SYNC: variants seen among roughly 807,000 people sequenced by gnomAD.
SYNC encodes syncoilin.
A neutral mutation model predicts 49.5 loss-of-function variants in SYNC; 38 were observed. The observed-to-expected ratio is 0.77, with a 90% CI of 0.59 to 1.01. The LOEUF is 1.01. SYNC is among the 50% of genes least tolerant of loss of function. The pLI, the probability that SYNC is intolerant of heterozygous loss-of-function variation, is 0.00. For synonymous variants in SYNC, 201 were observed against 230.8 expected (o/e 0.87, Z 1.17); for missense variants, 579 against 580.6 (o/e 1.00, Z 0.03).
chr1:32,696,880 T>C (rs1429752162), intron 1 of SYNC, among the ~76,000 whole-genome samples: 3 of 151,612 alleles, frequency 2.0e-5, no homozygotes, highest in Non-Finnish European at 4.4e-5. Flanking sequence ...CCCAGGTAGG[T>C]GGGACTACAG....
intron 2 of SYNC, among the ~76,000 whole-genome samples, chr1:32,690,143 C>G (rs927876598): frequency 1.3e-5 from 2 of 152,132 alleles, no homozygotes; most frequent in Admixed American, 1.3e-4. Context: ...ACTCGGGAGG[C>G]TGAGGCAGGA....
intron 1 of SYNC, among the ~76,000 whole-genome samples, chr1:32,699,974 C>T (rs1168356877): frequency 1.3e-5 from 2 of 152,014 alleles, no homozygotes; most frequent in African/African-American, 2.4e-5. Context: ...CCTCATGATC[C>T]GCCTGCCTCG....
At chr1:32,698,374 C>T (rs985835229) in intron 1 of SYNC, among the ~76,000 whole-genome samples, 1 of 151,986 alleles carries the variant, frequency 6.6e-6, no homozygotes, top group Non-Finnish European at 1.5e-5. Flanking sequence ...AAAAAATTAG[C>T]CAGGCGTGGT....
intron 1 of SYNC, among the ~76,000 whole-genome samples, chr1:32,697,031 G>A (rs1344888045): frequency 2.6e-5 from 4 of 151,958 alleles, no homozygotes; most frequent in Non-Finnish European, 4.4e-5. Context: ...TACAGGCATT[G>A]AGCCACCATG....
chr1:32,683,989 T>C (rs760024339), intron 4 of SYNC, 21 bp downstream of exon 4: 1 of 1,595,968 alleles, frequency 6.3e-7, no homozygotes, highest in Admixed American at 1.7e-5. Context: ...CAAACACCAC[T>C]CTTCTCTTCA....
intron 2 of SYNC, chr1:32,686,285 G>A (rs936365915): frequency 6.6e-6 from 1 of 152,102 alleles, no homozygotes; most frequent in Non-Finnish European, 1.5e-5. Context: ...TGCAGTGATA[G>A]ACAGCACTAC....
rs1032268586 is a variant in SYNC, at chr1:32,680,841, A to G, written c.*1009T>C. On this transcript the variant is annotated 3_prime_UTR_variant, in exon 5 of 5. Coordinates refer to ENST00000409190, the MANE Select transcript of SYNC (RefSeq NM_030786.3). Reference sequence around the variant, plus strand: ...TCCCAGGGAAAGTGAAAGACATAAAACACTGAATCAGAGGTGGCACAGATT... The same window carrying G: ...TCCCAGGGAAAGTGAAAGACATAAAGCACTGAATCAGAGGTGGCACAGATT... 17 of 353,030 alleles carry G rather than the reference A, an allele frequency of 4.8e-5. No homozygotes were observed. Among genetic ancestry groups the G allele is most frequent in the Non-Finnish European group, 8.7e-5 (17 of 195,480 alleles). The allele number at this position is 353,030 out of a possible 1,614,324, so 21.9% of individuals were successfully genotyped here.
rs571294185 is a variant in SYNC, at chr1:32,698,670, C to A, written c.54-2626G>T. Among the ~76,000 whole-genome samples, 6 of 152,320 alleles carry A rather than the reference C, an allele frequency of 3.9e-5. No homozygotes were observed. The South Asian group carries it at 1.2e-3, about 32-fold the overall frequency. ...CTGACATCTGAGCTCTTTGACCCAG[C>A]TGCCTATTGCCTGCCAGCTCAGTCA... is the stretch of plus-strand genomic sequence containing the variant. On this transcript the variant is annotated intron_variant, in intron 1 of 4. Coordinates refer to ENST00000409190, the MANE Select transcript of SYNC (RefSeq NM_030786.3).
chr1:32,689,558 G>A (rs1389032534), intron 2 of SYNC, among the ~76,000 whole-genome samples: 2 of 151,910 alleles, frequency 1.3e-5, no homozygotes, highest in Non-Finnish European at 2.9e-5. Flanking sequence ...CAGTAATTAG[G>A]CACTTAGAAA....
chr1:32,684,336 C>A lies in SYNC; in HGVS notation c.1280G>T (p.Gly427Val), dbSNP rs1339649877. The change falls in exon 3 of 5, where the codon GGG (glycine) becomes GTG (valine). Residue 427 changes from glycine (G) to valine (V), a missense_variant. By Grantham distance (109) the Gly-to-Val change is moderately radical. Coordinates refer to ENST00000409190, the MANE Select transcript of SYNC (RefSeq NM_030786.3). Reference sequence around the variant, plus strand: ...GTTCTTCTGTTGCTGGAGTTGCACCCCATTTCTTAACTGCCTCTGGCGTTC... The same window carrying A: ...GTTCTTCTGTTGCTGGAGTTGCACCACATTTCTTAACTGCCTCTGGCGTTC... ...MEERQRQLRNGVQLQQQKNKE... is the reference protein window; with the variant it reads ...MEERQRQLRNVVQLQQQKNKE... 1 of 1,614,188 alleles carries A rather than the reference C, an allele frequency of 6.2e-7. No homozygotes were observed. Among genetic ancestry groups the A allele is most frequent in the Non-Finnish European group, 8.5e-7 (1 of 1,180,032 alleles).
Position 32,695,765 on chromosome 1 carries a change from T to C in SYNC, c.333A>G (p.Glu111=), listed in dbSNP as rs774821319. The change falls in exon 2 of 5, where the codon GAA becomes GAG. Residue 111 remains glutamate (E), a synonymous_variant. Coordinates refer to ENST00000409190, the MANE Select transcript of SYNC (RefSeq NM_030786.3). ...ACTGTATCCGATCTGGCTCCGTGGT[T>C]TCCTCCACACACACTGTCTCCTCTG... is the stretch of plus-strand genomic sequence containing the variant. ...GNPEETVCVE[E]TTEPDRIQFV... 75 of 1,551,554 alleles carry C rather than the reference T, an allele frequency of 4.8e-5. No individual in the cohort carries two copies. The highest frequency in any genetic ancestry group is 1.7e-6 in the Non-Finnish European group (2 of 1,147,002).
chr1:32,687,863 T>TATTATTATTATTA (rs1557871715), intron 2 of SYNC, among the ~76,000 whole-genome samples: 4 of 148,136 alleles, frequency 2.7e-5, no homozygotes, highest in Admixed American at 6.8e-5. Flanking sequence ...TTATTATTAT[T>TATTATTATTATTA]TTTTGAGATG....
At chr1:32,696,994 C>T (rs1431696649) in intron 1 of SYNC, among the ~76,000 whole-genome samples, 1 of 151,886 alleles carries the variant, frequency 6.6e-6, no homozygotes, top group Non-Finnish European at 1.5e-5. Flanking sequence ...GTGATCCGCC[C>T]TCTTCAGCCT....
At position 32,680,022 on chromosome 1, in the gene SYNC, A is replaced by T. The variant is rs1277907184; in HGVS notation, c.*1828T>A. ...CTATATCCCCAAGTTTTTCAGACTC[A>T]TTTAAGTAAAGGCTAGAGTGAGTAA... On this transcript the variant is annotated 3_prime_UTR_variant, in exon 5 of 5. Coordinates refer to ENST00000409190, the MANE Select transcript of SYNC (RefSeq NM_030786.3). The T allele has an allele frequency of 1.9e-5, 21 of 1,127,124 alleles. No individual in the cohort carries two copies. Among genetic ancestry groups the T allele is most frequent in the Non-Finnish European group, 2.2e-5 (20 of 921,092 alleles). The allele number at this position is 1,127,124 out of a possible 1,614,324, so 69.8% of individuals were successfully genotyped here. A position where few individuals can be genotyped will look rare whatever the true frequency, so the allele number is the denominator to read the frequency against.
At chr1:32,685,819 A>G (rs1029387169) in intron 2 of SYNC, 1 of 152,236 alleles carries the variant, frequency 6.6e-6, no homozygotes, top group African/African-American at 2.4e-5. Context: ...AATGAAATGA[A>G]GGAAGGATTG....
chr1:32,701,334 A>G (rs991412924), intron 1 of SYNC, among the ~76,000 whole-genome samples: 6 of 152,194 alleles, frequency 3.9e-5, no homozygotes, highest in African/African-American at 1.4e-4. Context: ...GGCACTCTGT[A>G]TGCAGCACAT....
chr1:32,691,812 T>A (rs756657935), intron 2 of SYNC, among the ~76,000 whole-genome samples: 7 of 152,186 alleles, frequency 4.6e-5, no homozygotes, highest in Non-Finnish European at 7.3e-5. Flanking sequence ...AATTTGTAAT[T>A]ATTTATGTGA....
intron 2 of SYNC, among the ~76,000 whole-genome samples, chr1:32,687,833 A>AATAATTATTATTATT (rs1553199360): frequency 2.1e-4 from 8 of 38,214 alleles, no homozygotes; most frequent in African/African-American, 3.7e-4. Context: ...CTGCCCAGTG[A>AATAATTATTATTATT]ATTATTATTA....
Position 32,686,627 on chromosome 1 carries a change from G to A in SYNC, c.1234-2245C>T, listed in dbSNP as rs536462684. On this transcript the variant is annotated intron_variant, in intron 2 of 4. Coordinates refer to ENST00000409190, the MANE Select transcript of SYNC (RefSeq NM_030786.3). ...GGGAAACTTCAGGAAGAAGGGAAAT[G>A]GGTTTAAAGGATGAGTAAAGAGTTA... 2.3e-3 allele frequency among the ~76,000 whole-genome samples: 354 copies of A among 152,298 alleles called. 2 individuals are homozygous for A. The highest frequency in any genetic ancestry group is 3.8e-3 in the Non-Finnish European group (260 of 68,026).
Sources: allele counts gnomAD v4.1 joint callset (sites outside exome capture counted in the v4.1 genomes callset), GRCh38; gene constraint gnomAD v4.1.1; transcripts MANE v1.5; gene names NCBI Gene and HGNC (gene_info 2026-07-23, HGNC 2026-07-21).